TIMM23B: variants seen among roughly 807,000 people sequenced by gnomAD.
TIMM23B encodes mitochondrial import inner membrane translocase subunit Tim23B.
TIMM23B carries 27 observed loss-of-function variants against 27.3 expected under a neutral mutation model. That is an observed-to-expected ratio of 0.99 (90% CI 0.73 to 1.36). The LOEUF (loss-of-function observed/expected upper bound fraction) is 1.36, where lower values mean the gene tolerates loss of function less well. Among genes scored for constraint, TIMM23B ranks in the 40% most tolerant of loss-of-function variants. The pLI is 0.00. For synonymous variants in TIMM23B, 73 were observed against 92.4 expected (o/e 0.79, Z 1.21); for missense variants, 205 against 244.2 (o/e 0.84, Z 1.07).
rs1241039431 is a variant in TIMM23B, at chr10:49,955,676, T to C, written c.403+616T>C. Among the ~76,000 whole-genome samples the C allele has an allele frequency of 1.1e-4, 16 of 152,228 alleles. 1 individual carries two copies. The highest frequency in any genetic ancestry group is 3.6e-4 in the African/African-American group (15 of 41,460). Reference sequence around the variant, plus strand: ...GCTTATGTCCTGACATCCAAAATTTTCCTACTGTGTGAACTTAGTTGAAAA... The same window carrying C: ...GCTTATGTCCTGACATCCAAAATTTCCCTACTGTGTGAACTTAGTTGAAAA... On this transcript the variant is annotated intron_variant, in intron 5 of 6. Transcript: ENST00000651259.
chr10:49,970,405 G>A lies in TIMM23B; in HGVS notation c.515-2607G>A, dbSNP rs181982806. On this transcript the variant is annotated intron_variant, in intron 6 of 6. Transcript: ENST00000651259. ...ATGAGGGGAGCGCCTCTGCCCCGCCGCCCCGTCTGGGATGTGAGGAGCGCC... is the reference window on the plus strand; with the variant it reads ...ATGAGGGGAGCGCCTCTGCCCCGCCACCCCGTCTGGGATGTGAGGAGCGCC... 1.8e-3 allele frequency: 288 copies of A among 164,284 alleles called. 1 individual carries two copies. Among genetic ancestry groups the A allele is most frequent in the African/African-American group, 6.8e-3 (267 of 39,372 alleles). 10.2% of individuals were successfully genotyped at this position (164,284 alleles called of 1,614,324 possible). A position where few individuals can be genotyped will look rare whatever the true frequency, so the allele number is the denominator to read the frequency against.
intron 6 of TIMM23B, among the ~76,000 whole-genome samples, chr10:49,959,745 T>A (rs1471164139): frequency 6.8e-6 from 1 of 146,062 alleles, no homozygotes; most frequent in African/African-American, 2.5e-5. Context: ...CAACTTTTAA[T>A]TTTTTTTTTT....
intron 6 of TIMM23B, among the ~76,000 whole-genome samples, chr10:49,965,233 A>G (rs1242974694): frequency 1.3e-5 from 2 of 151,286 alleles, no homozygotes; most frequent in Admixed American, 1.3e-4. Context: ...ATGAAATGAC[A>G]TGACATGATG....
At chr10:49,959,214 A>G (rs1839819130) in intron 6 of TIMM23B, among the ~76,000 whole-genome samples, 1 of 152,126 alleles carries the variant, frequency 6.6e-6, no homozygotes, top group African/African-American at 2.4e-5. Context: ...ATTTTAGTTT[A>G]GTTTTTTTAA....
At chr10:49,950,806 C>T (rs1407093656) in intron 2 of TIMM23B, among the ~76,000 whole-genome samples, 27 of 152,238 alleles carry the variant, frequency 1.8e-4, no homozygotes, top group African/African-American at 4.1e-4. Flanking sequence ...CTTCCCAAAG[C>T]GCTGAGATTA....
At chr10:49,943,983 C>A (rs1460810650) in intron 1 of TIMM23B, among the ~76,000 whole-genome samples, 1 of 151,998 alleles carries the variant, frequency 6.6e-6, no homozygotes, top group Non-Finnish European at 1.5e-5. Flanking sequence ...GCTTGGGAGG[C>A]AAGTATCCAG....
chr10:49,961,564 A>G (rs1564685496), intron 6 of TIMM23B, among the ~76,000 whole-genome samples: 3 of 150,810 alleles, frequency 2.0e-5, no homozygotes, highest in Admixed American at 6.6e-5. Flanking sequence ...TCCCTTACTT[A>G]TCTCTTCCAG....
At chr10:49,963,559 T>C (rs1449314894) in intron 6 of TIMM23B, among the ~76,000 whole-genome samples, 1 of 152,112 alleles carries the variant, frequency 6.6e-6, no homozygotes, top group Non-Finnish European at 1.5e-5. Flanking sequence ...AAATGAAATA[T>C]TGAAATGAAT....
At chr10:49,960,807 G>A (rs1180163735) in intron 6 of TIMM23B, among the ~76,000 whole-genome samples, 50 of 152,322 alleles carry the variant, frequency 3.3e-4, no homozygotes, top group Non-Finnish European at 6.3e-4. Flanking sequence ...ATTTTCTGAT[G>A]TATCTGTTTG....
chr10:49,970,896 A>G (rs1840413278), intron 6 of TIMM23B, among the ~76,000 whole-genome samples: 1 of 152,206 alleles, frequency 6.6e-6, no homozygotes, highest in Non-Finnish European at 1.5e-5. Context: ...AAAGGGGGAA[A>G]TGTGGGGAAA....
intron 6 of TIMM23B, among the ~76,000 whole-genome samples, chr10:49,968,783 C>T (rs1455797157): frequency 1.3e-5 from 2 of 151,984 alleles, no homozygotes; most frequent in African/African-American, 2.4e-5. Flanking sequence ...TGCAGTGAGC[C>T]GAGATTGCAC....
At chr10:49,943,329 T>C (rs1388547377) in intron 1 of TIMM23B, 1 of 151,864 alleles carries the variant, frequency 6.6e-6, no homozygotes, top group African/African-American at 2.4e-5. Context: ...AATCCTCCCC[T>C]CTAAGCCTCC....
chr10:49,969,901 C>T (rs1276964742), intron 6 of TIMM23B: 5 of 158,428 alleles, frequency 3.2e-5, no homozygotes, highest in African/African-American at 1.2e-4. Context: ...CCTGATTCTC[C>T]TGCCTCAGCC....
intron 2 of TIMM23B, among the ~76,000 whole-genome samples, chr10:49,946,470 A>C (rs1218186019): frequency 6.6e-6 from 1 of 152,174 alleles, no homozygotes; most frequent in African/African-American, 2.4e-5. Flanking sequence ...AAATCACAAA[A>C]ATCTGTTAAA....
In TIMM23B at chr10:49,973,577, T is replaced by C. The variant is rs1258245203; in HGVS notation, c.*513T>C. ...CTATAGTTCAGGCTACTGAGGAGCC[T>C]GATGTAGGAGGATCACGTGACCCCA... On this transcript the variant is annotated 3_prime_UTR_variant, in exon 7 of 7. Coordinates refer to ENST00000651259, the MANE Select transcript of TIMM23B (RefSeq NM_001290117.2). The C allele has an allele frequency of 6.5e-6, 1 of 153,124 alleles. No individual in the cohort carries two copies. Among genetic ancestry groups the C allele is most frequent in the Non-Finnish European group, 1.4e-5 (1 of 69,108 alleles). 9.5% of individuals were successfully genotyped at this position (153,124 alleles called of 1,614,324 possible). A position where few individuals can be genotyped will look rare whatever the true frequency, so the allele number is the denominator to read the frequency against.
chr10:49,973,908 TCTC>T lies in TIMM23B; in HGVS notation c.*847_*849del, dbSNP rs1840556848. ...CCTCTGCCTCCCGGCTTCAAGCAGT[TCTC>T]CTGCCTCAGCCTCCCAAGTAGCTGG... On this transcript the variant is annotated 3_prime_UTR_variant, in exon 7 of 7. Coordinates refer to ENST00000651259, the MANE Select transcript of TIMM23B (RefSeq NM_001290117.2). 1 of 135,820 alleles carries T rather than the reference TCTC, an allele frequency of 7.4e-6. No individual in the cohort carries two copies. The highest frequency in any genetic ancestry group is 1.6e-5 in the Non-Finnish European group (1 of 63,488). The allele number at this position is 135,820 out of a possible 1,614,324, so 8.4% of individuals were successfully genotyped here. A position where few individuals can be genotyped will look rare whatever the true frequency, so the allele number is the denominator to read the frequency against.
chr10:49,947,342 T>C (rs1839384242), intron 2 of TIMM23B, among the ~76,000 whole-genome samples: 1 of 152,226 alleles, frequency 6.6e-6, no homozygotes, highest in South Asian at 2.1e-4. Flanking sequence ...GTGCAGTGGC[T>C]CACACCTGTA....
chr10:49,964,783 GTGAAA>G (rs1320396131), intron 6 of TIMM23B, among the ~76,000 whole-genome samples: 12 of 151,602 alleles, frequency 7.9e-5, no homozygotes, highest in African/African-American at 2.4e-4. Context: ...GAAATGCCGG[GTGAAA>G]TGAAATGAAA....
intron 6 of TIMM23B, among the ~76,000 whole-genome samples, chr10:49,962,656 T>C (rs1363941060): frequency 6.6e-6 from 1 of 152,192 alleles, no homozygotes; most frequent in Non-Finnish European, 1.5e-5. Context: ...TCCTTCCAGA[T>C]ACCTACCTGA....
Sources: allele counts gnomAD v4.1 joint callset (sites outside exome capture counted in the v4.1 genomes callset), GRCh38; gene constraint gnomAD v4.1.1; transcripts MANE v1.5; gene names NCBI Gene and HGNC (gene_info 2026-07-23, HGNC 2026-07-21).